HERC4: variants seen among roughly 807,000 people sequenced by gnomAD.
HERC4 encodes HECT and RLD domain containing E3 ubiquitin protein ligase 4, also known as probable E3 ubiquitin-protein ligase HERC4.
Under a neutral mutation model 124.3 loss-of-function variants are expected in HERC4, and 28 were observed. The observed-to-expected ratio is 0.23, with a 90% confidence interval of 0.17 to 0.31. The LOEUF (loss-of-function observed/expected upper bound fraction) is 0.31. Ranked by LOEUF, HERC4 falls within the 10% of genes least tolerant of loss-of-function variation. The pLI, the probability that HERC4 is intolerant of heterozygous loss-of-function variation, is 1.00. For synonymous variants in HERC4, 407 were observed against 421.5 expected (o/e 0.97, Z 0.42); for missense variants, 713 against 1,229.3 (o/e 0.58, Z 6.28).
In HERC4 at chr10:67,954,734, A is replaced by T. The variant is rs2132301440; in HGVS notation, c.2198T>A (p.Ile733Lys). ...ATCCACAGCATCTTCTCCAACAAAT[A>T]TAACCTAAAATAGCACAATGCAAAC... ...NIDYKKPLKV[I>K]FVGEDAVDAG... Residue 733 changes from isoleucine (I) to lysine (K), a missense_variant, in exon 19 of 25, where the codon ATA (isoleucine) becomes AAA (lysine). Physicochemically the swap from Ile to Lys is moderately radical, Grantham distance 102. Transcript: ENST00000373700. The T allele has an allele frequency of 6.2e-7, 1 of 1,612,864 alleles. No individual in the cohort carries two copies. Among genetic ancestry groups the T allele is most frequent in the East Asian group, 2.2e-5 (1 of 44,838 alleles).
At chr10:67,981,769 T>A (rs557280196) in intron 15 of HERC4, among the ~76,000 whole-genome samples, 1 of 152,052 alleles carries the variant, frequency 6.6e-6, no homozygotes, top group South Asian at 2.1e-4. Flanking sequence ...ACCAGCCCAG[T>A]CAACATGACG....
chr10:67,935,525 T>C (rs749610400), intron 22 of HERC4, among the ~76,000 whole-genome samples: 20 of 152,128 alleles, frequency 1.3e-4, no homozygotes, highest in Admixed American at 5.2e-4. Context: ...GAGGGAGCTA[T>C]AGACTTTCAG....
chr10:68,034,810 T>C (rs1224212023), intron 5 of HERC4, among the ~76,000 whole-genome samples: 3 of 151,976 alleles, frequency 2.0e-5, no homozygotes, highest in Non-Finnish European at 4.4e-5. Flanking sequence ...TCTTCCTTAA[T>C]ACTCCTCTCT....
At chr10:68,057,408 A>T (rs1042448797) in intron 3 of HERC4, among the ~76,000 whole-genome samples, 11 of 151,990 alleles carry the variant, frequency 7.2e-5, no homozygotes, top group African/African-American at 2.7e-4. Flanking sequence ...GGTGAATCAC[A>T]AGGTCAGGAG....
At chr10:68,024,648 G>A (rs750934605) in intron 8 of HERC4, among the ~76,000 whole-genome samples, 17 of 152,156 alleles carry the variant, frequency 1.1e-4, no homozygotes, top group Non-Finnish European at 2.1e-4. Flanking sequence ...AATACTTACA[G>A]TGTGATTACA....
intron 20 of HERC4, among the ~76,000 whole-genome samples, chr10:67,940,234 C>T (rs1208606167): frequency 6.6e-6 from 1 of 151,798 alleles, no homozygotes; most frequent in African/African-American, 2.4e-5. Flanking sequence ...CCCATTTGTC[C>T]TAACTTATAT....
chr10:67,929,819 A>C (rs2031580226), intron 23 of HERC4, among the ~76,000 whole-genome samples: 1 of 143,280 alleles, frequency 7.0e-6, no homozygotes, highest in Non-Finnish European at 1.5e-5. Context: ...CCAGCTGTGC[A>C]TTTTTTTTTT....
At chr10:67,923,518 AT>A (rs1031018576) in intron 24 of HERC4, among the ~76,000 whole-genome samples, 2 of 151,850 alleles carry the variant, frequency 1.3e-5, no homozygotes, top group Non-Finnish European at 2.9e-5. Flanking sequence ...CGTTTCTGTT[AT>A]TTTTTTTAAA....
chr10:68,039,327 A>G, intron 4 of HERC4: 2 of 1,471,742 alleles, frequency 1.4e-6, no homozygotes, highest in Admixed American at 2.6e-5. Flanking sequence ...AAAAAAAAAA[A>G]AAAAAAAGAA....
intron 8 of HERC4, among the ~76,000 whole-genome samples, chr10:68,022,607 G>C (rs1378842500): frequency 6.6e-6 from 1 of 151,638 alleles, no homozygotes; most frequent in East Asian, 1.9e-4. Context: ...AAGCAAACAG[G>C]GAAATGCTTC....
intron 5 of HERC4, among the ~76,000 whole-genome samples, chr10:68,035,778 T>C (rs555866782): frequency 2.6e-5 from 4 of 152,124 alleles, no homozygotes; most frequent in Non-Finnish European, 5.9e-5. Flanking sequence ...TACCTAAACC[T>C]TTCCCTCATC....
intron 15 of HERC4, among the ~76,000 whole-genome samples, chr10:67,981,368 G>A (rs1193379976): frequency 6.6e-6 from 1 of 152,198 alleles, no homozygotes; most frequent in Non-Finnish European, 1.5e-5. Flanking sequence ...CAACATTGGA[G>A]CACCTAGACA....
At chr10:67,983,506 G>A (rs1273399544) in intron 15 of HERC4, among the ~76,000 whole-genome samples, 4 of 152,154 alleles carry the variant, frequency 2.6e-5, no homozygotes, top group Non-Finnish European at 4.4e-5. Context: ...AAGGCCGGGT[G>A]CAGTGGCTTG....
intron 16 of HERC4, 127 bp from the exon 17 acceptor site, chr10:67,957,103 T>A: frequency 1.9e-6 from 1 of 525,526 alleles, no homozygotes; most frequent in Non-Finnish European, 3.3e-6. Context: ...GAATTACAAA[T>A]AAAACATGCT....
At chr10:67,973,604 T>C (rs563912697) in intron 15 of HERC4, among the ~76,000 whole-genome samples, 1 of 152,270 alleles carries the variant, frequency 6.6e-6, no homozygotes, top group Admixed American at 6.5e-5. Flanking sequence ...TAGTCAAGAA[T>C]AAGTAGAGAG....
At chr10:68,051,433 C>T (rs539435354) in intron 3 of HERC4, among the ~76,000 whole-genome samples, 253 of 149,464 alleles carry the variant, frequency 1.7e-3, no homozygotes, top group Non-Finnish European at 2.8e-3. Flanking sequence ...CAAGCTCTGC[C>T]TCCCGGGTTC....
chr10:68,059,826 A>AATATATATTATAATATTATATATC (rs1354151855), intron 3 of HERC4, among the ~76,000 whole-genome samples: 1 of 62,788 alleles, frequency 1.6e-5, no homozygotes, highest in South Asian at 4.8e-4. Flanking sequence ...TATATATCAT[A>AATATATATTATAATATTATATATC]ATATTATATA....
At chr10:68,029,737 T>TAA (rs957391166) in intron 7 of HERC4, among the ~76,000 whole-genome samples, 2 of 148,994 alleles carry the variant, frequency 1.3e-5, no homozygotes, top group Non-Finnish European at 3.0e-5. Flanking sequence ...CATATATATA[T>TAA]AACACTTTGT....
At chr10:67,989,863 C>T (rs2036457971) in intron 14 of HERC4, among the ~76,000 whole-genome samples, 1 of 151,792 alleles carries the variant, frequency 6.6e-6, no homozygotes, top group Non-Finnish European at 1.5e-5. Context: ...GATTTAAAGC[C>T]CATGTTTGTT....
Sources: allele counts gnomAD v4.1 joint callset (sites outside exome capture counted in the v4.1 genomes callset), GRCh38; gene constraint gnomAD v4.1.1; transcripts MANE v1.5; gene names NCBI Gene and HGNC (gene_info 2026-07-23, HGNC 2026-07-21).